MAP2K6: variants seen among roughly 807,000 people sequenced by gnomAD.
MAP2K6 encodes the protein dual specificity mitogen-activated protein kinase kinase 6.
MAP2K6 carries 16 observed loss-of-function variants against 53.7 expected under a neutral mutation model. The observed-to-expected ratio is 0.30, with a 90% CI of 0.20 to 0.45. MAP2K6 has a LOEUF of 0.45. MAP2K6 is among the 20% of genes least tolerant of loss of function. MAP2K6 has a pLI of 1.00. For synonymous variants in MAP2K6, 132 were observed against 143.1 expected, an observed-to-expected ratio of 0.92 and a Z score of 0.55; for missense variants, 204 against 411.9, an observed-to-expected ratio of 0.50 and a Z score of 4.37.
intron 1 of MAP2K6, among the ~76,000 whole-genome samples, chr17:69,485,955 A>G (rs1908518298): frequency 6.6e-6 from 1 of 151,752 alleles, no homozygotes; most frequent in African/African-American, 2.4e-5. Flanking sequence ...ATAGACTACA[A>G]TCTTTTTATT....
intron 1 of MAP2K6, among the ~76,000 whole-genome samples, chr17:69,446,982 T>C (rs1906989617): frequency 6.7e-6 from 1 of 149,708 alleles, no homozygotes; most frequent in Admixed American, 6.6e-5. Flanking sequence ...GTTTCTTTTT[T>C]TTTTTTTTTT....
intron 1 of MAP2K6, chr17:69,434,577 G>C (rs1375447211): frequency 6.6e-6 from 1 of 152,188 alleles, no homozygotes; most frequent in Non-Finnish European, 1.5e-5. Context: ...CAGGGTTCCA[G>C]AGTCTTACAA....
In MAP2K6 at chr17:69,498,763, G is replaced by A. The variant is rs528232838; in HGVS notation, c.17-7017G>A. The stretch of plus-strand genomic sequence containing the variant: ...ACAGGGCGTTATCCAGTTTCCTGCA[G>A]GGAGCTTTAATTGCTGGGTTTAAAG... On this transcript the variant is annotated intron_variant, in intron 1 of 11. Transcript: ENST00000590474. Among the ~76,000 whole-genome samples, 652 of 152,184 alleles carry A rather than the reference G, an allele frequency of 4.3e-3. 4 individuals are homozygous for A. The highest frequency in any genetic ancestry group is 0.015 in the African/African-American group (629 of 41,532).
intron 1 of MAP2K6, among the ~76,000 whole-genome samples, chr17:69,474,949 CCTTAGAAGCCTGAAAAGTCAGGCT>C (rs898277932): frequency 2.0e-5 from 3 of 152,214 alleles, no homozygotes; most frequent in Non-Finnish European, 2.9e-5. Context: ...CCCTTAATTG[CCTTAGAAGCCTGAAAAGTCAGGCT>C]CTAGGAATAA....
At chr17:69,485,979 C>CT (rs67746875) in intron 1 of MAP2K6, among the ~76,000 whole-genome samples, 24,463 of 151,962 alleles carry the variant, frequency 0.16, 2,333 homozygotes, top group African/African-American at 0.26. Context: ...TCACAGTCAA[C>CT]TTTTTTTTGA....
chr17:69,419,870 TG>T (rs537541124), intron 1 of MAP2K6, among the ~76,000 whole-genome samples: 41 of 149,776 alleles, frequency 2.7e-4, no homozygotes, highest in African/African-American at 9.4e-4. Context: ...GCAGAGATTG[TG>T]CCACTGCACT....
Position 69,447,220 on chromosome 17 carries a change from C to T in MAP2K6, c.16+32220C>T, listed in dbSNP as rs1164626506. Among the ~76,000 whole-genome samples, 5 of 151,514 alleles carry T rather than the reference C, an allele frequency of 3.3e-5. No homozygotes were observed. In the East Asian group the frequency reaches 9.7e-4, roughly 30 times the overall value. Reference sequence around the variant, plus strand: ...TTTCGAACTCCTGACCTCAGGTGGTCCACCCGCCTCGGCCTCCCAAAGTGT... The same window carrying T: ...TTTCGAACTCCTGACCTCAGGTGGTTCACCCGCCTCGGCCTCCCAAAGTGT... On this transcript the variant is annotated intron_variant, in intron 1 of 11. Transcript: ENST00000590474.
At chr17:69,487,452 A>T (rs187753641) in intron 1 of MAP2K6, among the ~76,000 whole-genome samples, 1 of 152,368 alleles carries the variant, frequency 6.6e-6, no homozygotes, top group African/African-American at 2.4e-5. Context: ...TCTCATGAGC[A>T]ACCACTTGTT....
At chr17:69,438,736 C>G (rs1319409640) in intron 1 of MAP2K6, among the ~76,000 whole-genome samples, 2 of 152,170 alleles carry the variant, frequency 1.3e-5, no homozygotes, top group Non-Finnish European at 2.9e-5. Flanking sequence ...CACCACCACA[C>G]TGGACTAATT....
chr17:69,459,013 G>A (rs1907520437), intron 1 of MAP2K6, among the ~76,000 whole-genome samples: 1 of 152,188 alleles, frequency 6.6e-6, no homozygotes, highest in Non-Finnish European at 1.5e-5. Context: ...CTTTGCTGGT[G>A]TGCAAAGTTG....
chr17:69,485,789 T>C (rs1419667142), intron 1 of MAP2K6, among the ~76,000 whole-genome samples: 1 of 152,232 alleles, frequency 6.6e-6, no homozygotes, highest in Admixed American at 6.5e-5. Flanking sequence ...ATCATTTCTG[T>C]GTACCTCTCT....
intron 1 of MAP2K6, among the ~76,000 whole-genome samples, chr17:69,431,786 C>G (rs1424060849): frequency 6.6e-6 from 1 of 152,208 alleles, no homozygotes; most frequent in Non-Finnish European, 1.5e-5. Flanking sequence ...TCAACATGCA[C>G]ATAGTTTAAA....
At chr17:69,473,268 GA>G (rs1908039505) in intron 1 of MAP2K6, among the ~76,000 whole-genome samples, 1 of 152,110 alleles carries the variant, frequency 6.6e-6, no homozygotes, top group Non-Finnish European at 1.5e-5. Context: ...ATTTGCAACT[GA>G]AAAAAGTTTA....
chr17:69,417,708 G>A (rs1331403030), intron 1 of MAP2K6, among the ~76,000 whole-genome samples: 1 of 151,774 alleles, frequency 6.6e-6, no homozygotes, highest in Non-Finnish European at 1.5e-5. Flanking sequence ...ACTACAGGAA[G>A]ACAAGCTACA....
intron 9 of MAP2K6, 88 bp downstream of exon 9, chr17:69,525,066 T>G: frequency 8.9e-7 from 1 of 1,129,594 alleles, no homozygotes; most frequent in South Asian, 1.3e-5. Flanking sequence ...ACAAATGCCC[T>G]AAATGCTGGT....
intron 1 of MAP2K6, among the ~76,000 whole-genome samples, chr17:69,421,055 A>G (rs779319429): frequency 6.6e-5 from 10 of 152,184 alleles, no homozygotes; most frequent in Non-Finnish European, 1.2e-4. Context: ...CTTTTCTTAT[A>G]TATCTTTACA....
chr17:69,498,252 C>T (rs920970014), intron 1 of MAP2K6, among the ~76,000 whole-genome samples: 5 of 151,866 alleles, frequency 3.3e-5, no homozygotes, highest in East Asian at 1.9e-4. Context: ...AGGAAAGTGA[C>T]GTTGGCAACA....
rs550953344 is a variant in MAP2K6 at position 69,457,298 on chromosome 17, T to C, written c.16+42298T>C. ...GCCAGCACCATTACACTATTTTCCC[T>C]GTCTTATCTGATGCCTGTGGACACG... On this transcript the variant is annotated intron_variant, in intron 1 of 11. Transcript: ENST00000590474. 3.9e-5 allele frequency among the ~76,000 whole-genome samples: 6 copies of C among 152,346 alleles called. No homozygotes were observed. The South Asian group carries it at 6.2e-4, about 16-fold the overall frequency.
chr17:69,509,512 A>G (rs1909699922), intron 2 of MAP2K6, among the ~76,000 whole-genome samples: 1 of 152,180 alleles, frequency 6.6e-6, no homozygotes, highest in Non-Finnish European at 1.5e-5. Context: ...TAGTTCTAGA[A>G]GCTTGTCATC....
Sources: gnomAD v4.1 joint callset for allele counts (sites outside exome capture counted in the v4.1 genomes callset) on GRCh38, gnomAD v4.1.1 for gene constraint, MANE v1.5 for transcripts, NCBI Gene and HGNC (gene_info 2026-07-23, HGNC 2026-07-21) for gene names.